Variants in NAA40 observed in about 807,000 individuals in gnomAD.
NAA40 encodes the protein N-alpha-acetyltransferase 40.
In NAA40, 26 loss-of-function variants were observed where a neutral mutation model predicts 36.6. The ratio of observed to expected loss-of-function variants is 0.71; its 90% confidence interval spans 0.52 to 0.98. NAA40 has a LOEUF of 0.98. Among genes scored for constraint, NAA40 ranks in the 50% least tolerant of loss-of-function variants. The pLI, the probability that NAA40 is intolerant of heterozygous loss-of-function variation, is 0.00. For synonymous variants in NAA40, 129 were observed against 108.4 expected (o/e 1.19, Z -1.18); for missense variants, 237 against 306.5 (o/e 0.77, Z 1.69).
intron 6 of NAA40, among the ~76,000 whole-genome samples, 178 bp from the exon 7 acceptor site, chr11:63,953,794 A>T (rs1214594803): frequency 1.3e-5 from 2 of 151,780 alleles, no homozygotes; most frequent in South Asian, 2.1e-4. Flanking sequence ...TGATTTTTTT[A>T]AATTTTTAAA....
intron 5 of NAA40, 36 bp from the exon 6 acceptor site, chr11:63,952,720 A>G (rs774572881): frequency 3.1e-6 from 5 of 1,612,548 alleles, no homozygotes; most frequent in Admixed American, 1.7e-5. Flanking sequence ...TTCATGTCCC[A>G]TCCTGCACGC....
At chr11:63,940,771 G>A (rs1286935105) in intron 1 of NAA40, among the ~76,000 whole-genome samples, 3 of 151,732 alleles carry the variant, frequency 2.0e-5, no homozygotes, top group Admixed American at 6.6e-5. Flanking sequence ...TGTCTAATCC[G>A]TGTCAAAACA....
chr11:63,939,295 G>C (rs997681654), intron 1 of NAA40, 193 bp downstream of exon 1: 1 of 1,272,472 alleles, frequency 7.9e-7, no homozygotes, highest in African/African-American at 1.6e-5. Flanking sequence ...CCTCTGGAGA[G>C]CCCCTGGTCC....
chr11:63,939,135 C>A, intron 1 of NAA40, 33 bp downstream of exon 1: 1 of 1,584,448 alleles, frequency 6.3e-7, no homozygotes. Flanking sequence ...ATGGGAGGTC[C>A]AGGGGCGCTC....
At position 63,946,924 on chromosome 11, in the gene NAA40, C is replaced by T. The variant is rs1023063235; in HGVS notation, c.103-27C>T. On this transcript the variant is annotated intron_variant, in intron 2 of 7. Transcript: ENST00000377793. ...TGCACCTCCGCCCCACTTGTCTGTG[C>T]TGTTCCTCTTTTCTTTCCCTCCACA... The T allele has an allele frequency of 3.1e-6, 5 of 1,613,496 alleles. No homozygotes were observed. In the Admixed American group the frequency reaches 5.0e-5, roughly 16 times the overall value.
chr11:63,939,700 A>C (rs1565168454), intron 1 of NAA40, among the ~76,000 whole-genome samples: 1 of 151,410 alleles, frequency 6.6e-6, no homozygotes. Flanking sequence ...TTTCCCATAG[A>C]CTCCTGCCTT....
chr11:63,942,655 C>T (rs188726510), intron 1 of NAA40, among the ~76,000 whole-genome samples: 3 of 152,334 alleles, frequency 2.0e-5, no homozygotes, highest in African/African-American at 7.2e-5. Flanking sequence ...TCCTGTGTCC[C>T]TGTAGGACAG....
intron 3 of NAA40, among the ~76,000 whole-genome samples, chr11:63,950,921 G>C (rs1366182599): frequency 6.6e-6 from 1 of 152,160 alleles, no homozygotes; most frequent in African/African-American, 2.4e-5. Context: ...TGGAGAATTC[G>C]TACCTGCAGG....
intron 3 of NAA40, among the ~76,000 whole-genome samples, chr11:63,948,372 A>G (rs1480071394): frequency 6.6e-6 from 1 of 152,174 alleles, no homozygotes; most frequent in Admixed American, 6.6e-5. Flanking sequence ...TATAATTGTT[A>G]AAAGCCAATT....
intron 1 of NAA40, among the ~76,000 whole-genome samples, chr11:63,942,052 G>A (rs78675654): frequency 0.016 from 2,434 of 152,318 alleles, 42 homozygotes; most frequent in Non-Finnish European, 0.023. Context: ...GGGTTCAAAC[G>A]TGGATTTGGA....
In NAA40 at chr11:63,946,248, C is replaced by T; in HGVS notation, c.102+313C>T. The T allele has an allele frequency of 9.4e-6, 3 of 319,074 alleles. No individual in the cohort carries two copies. The South Asian group carries it at 1.2e-4, about 13-fold the overall frequency. The allele number at this position is 319,074 out of a possible 1,614,324, so 19.8% of individuals were successfully genotyped here. A position where few individuals can be genotyped will look rare whatever the true frequency, so the allele number is the denominator to read the frequency against. ...TGAGACAGGGTCTCACTCTGTCATC[C>T]AGGCTGGAATGCAGTGGCACTATCT... On this transcript the variant is annotated intron_variant, in intron 2 of 7. Coordinates refer to ENST00000377793, the MANE Select transcript of NAA40 (RefSeq NM_024771.4).
Position 63,952,487 on chromosome 11 carries a change from C to T in NAA40, c.332C>T (p.Ala111Val), listed in dbSNP as rs776573148. The change falls in exon 5 of 8, where the codon GCG (alanine) becomes GTG (valine). Residue 111 changes from alanine (A) to valine (V), a missense_variant. Physicochemically the swap from Ala to Val is moderately conservative, Grantham distance 64 (BLOSUM62 0). Transcript: ENST00000377793. ...MTDDRAWYLI[A>V]WENSSVPVAF... ...GATGACCGAGCCTGGTACCTCATCGCGTGGGAAAACAGCTCCGTCCCTGTT... is the reference window on the plus strand; with the variant it reads ...GATGACCGAGCCTGGTACCTCATCGTGTGGGAAAACAGCTCCGTCCCTGTT... 16 of 1,614,004 alleles carry T rather than the reference C, an allele frequency of 9.9e-6. No individual in the cohort carries two copies. The highest frequency in any genetic ancestry group is 3.3e-5 in the South Asian group (3 of 91,088).
chr11:63,957,208 A>ATTT lies in NAA40; in HGVS notation c.*2730_*2731insTTT, dbSNP rs1221558342. 3.3e-4 allele frequency: 18 copies of ATTT among 54,836 alleles called. No individual in the cohort carries two copies. Among genetic ancestry groups the ATTT allele is most frequent in the African/African-American group, 8.7e-4 (16 of 18,436 alleles). 3.4% of individuals were successfully genotyped at this position (54,836 alleles called of 1,614,324 possible). A position where few individuals can be genotyped will look rare whatever the true frequency, so the allele number is the denominator to read the frequency against. Reference sequence around the variant, plus strand: ...AACTCCTTGATATATATATATATATATATATTTTTTTTTTTCTTTAGCAGC... The same window carrying ATTT: ...AACTCCTTGATATATATATATATATATTTTATATTTTTTTTTTTCTTTAGCAGC... On this transcript the variant is annotated 3_prime_UTR_variant, in exon 8 of 8. Coordinates refer to ENST00000377793, the MANE Select transcript of NAA40 (RefSeq NM_024771.4).
intron 3 of NAA40, among the ~76,000 whole-genome samples, chr11:63,947,727 G>GTTTTT (rs55682014): frequency 8.5e-5 from 10 of 118,170 alleles, no homozygotes; most frequent in Non-Finnish European, 1.3e-4. Context: ...ATTTTTGTGG[G>GTTTTT]TTTTTTTTTT....
intron 1 of NAA40, 91 bp downstream of exon 1, chr11:63,939,193 C>A (rs1359605220): frequency 4.4e-6 from 5 of 1,129,996 alleles, no homozygotes; most frequent in Non-Finnish European, 5.8e-6. Context: ...CTCACGTGAC[C>A]CCGACCCCCT....
intron 7 of NAA40, 87 bp from the exon 8 acceptor site, chr11:63,954,251 C>T (rs1942327525): frequency 2.0e-6 from 3 of 1,507,192 alleles, no homozygotes; most frequent in Non-Finnish European, 1.8e-6. Flanking sequence ...AGGGTCTCAT[C>T]AGTGTGGCTG....
At chr11:63,944,779 T>A (rs1447227147) in intron 1 of NAA40, among the ~76,000 whole-genome samples, 1 of 151,898 alleles carries the variant, frequency 6.6e-6, no homozygotes, top group African/African-American at 2.4e-5. Context: ...GGTGCGCTCC[T>A]GTAATCCCAG....
chr11:63,949,944 C>T (rs984227345), intron 3 of NAA40, among the ~76,000 whole-genome samples: 2 of 151,622 alleles, frequency 1.3e-5, no homozygotes, highest in Non-Finnish European at 2.9e-5. Flanking sequence ...TGGGGTTTCA[C>T]CGTGTTAGCC....
At chr11:63,950,907 T>A (rs1483345243) in intron 3 of NAA40, among the ~76,000 whole-genome samples, 1 of 152,214 alleles carries the variant, frequency 6.6e-6, no homozygotes, top group African/African-American at 2.4e-5. Flanking sequence ...TTCATGTACT[T>A]TAATGGAGAA....
Sources: allele counts gnomAD v4.1 joint callset (sites outside exome capture counted in the v4.1 genomes callset), GRCh38; gene constraint gnomAD v4.1.1; transcripts MANE v1.5; gene names NCBI Gene and HGNC (gene_info 2026-07-23, HGNC 2026-07-21).